The following TENM2 variants were observed in gnomAD, a reference collection of about 807,000 sequenced individuals.
The protein encoded by TENM2 is teneurin-2.
A neutral mutation model predicts 245.2 loss-of-function variants in TENM2; 52 were observed. The ratio of observed to expected loss-of-function variants is 0.21; its 90% CI spans 0.17 to 0.27. TENM2 has a LOEUF of 0.27. TENM2 is among the 10% of genes least tolerant of loss of function. The pLI is 1.00. For synonymous variants in TENM2, 1,363 were observed against 1,438.9 expected (o/e 0.95, Z 1.19); for missense variants, 3,046 against 3,666.8 (o/e 0.83, Z 4.37).
At chr5:167,923,424 A>G (rs1490190917) in intron 3 of TENM2, among the ~76,000 whole-genome samples, 1 of 152,204 alleles carries the variant, frequency 6.6e-6, no homozygotes, top group African/African-American at 2.4e-5. Context: ...CTGTGCCAAC[A>G]GCCTTGTTTG....
intron 5 of TENM2, among the ~76,000 whole-genome samples, chr5:167,996,920 G>T (rs756874708): frequency 1.3e-5 from 2 of 151,872 alleles, no homozygotes; most frequent in Non-Finnish European, 2.9e-5. Flanking sequence ...TGTGTTTTTA[G>T]TAGAGACAGG....
chr5:167,832,116 A>C (rs1156522595), intron 2 of TENM2, among the ~76,000 whole-genome samples: 1 of 152,252 alleles, frequency 6.6e-6, no homozygotes, highest in East Asian at 1.9e-4. Flanking sequence ...ACTGTTTGTC[A>C]GGGCAGTAAT....
intron 12 of TENM2, among the ~76,000 whole-genome samples, chr5:168,156,923 G>A (rs1001450235): frequency 2.2e-4 from 33 of 152,160 alleles, no homozygotes; most frequent in Admixed American, 1.7e-3. Context: ...TGGGGCAGCC[G>A]TTCGGTTCAC....
intron 2 of TENM2, among the ~76,000 whole-genome samples, chr5:167,737,159 G>C (rs1461979303): frequency 1.3e-5 from 2 of 152,170 alleles, no homozygotes; most frequent in Non-Finnish European, 1.5e-5. Flanking sequence ...CCAGTTCCAA[G>C]AGCCAGTACG....
the TENM2 span, among the ~76,000 whole-genome samples, chr5:166,981,119 T>A: frequency 6.6e-6 from 1 of 152,210 alleles, no homozygotes; most frequent in Non-Finnish European, 1.5e-5. Context: ...TAAGGCACCA[T>A]GCAAATTCAC....
chr5:167,466,641 T>C (rs1373562755), intron 2 of TENM2, among the ~76,000 whole-genome samples: 1 of 152,234 alleles, frequency 6.6e-6, no homozygotes, highest in Non-Finnish European at 1.5e-5. Flanking sequence ...AGTAAAGTTT[T>C]CATTTATAAA....
At chr5:167,717,587 T>TA (rs1422640535) in intron 2 of TENM2, among the ~76,000 whole-genome samples, 14 of 152,254 alleles carry the variant, frequency 9.2e-5, no homozygotes, top group South Asian at 8.3e-4. Context: ...AATTTCAGAA[T>TA]AAAAAAATTA....
chr5:167,265,354 A>G, the TENM2 span, among the ~76,000 whole-genome samples: 9 of 150,492 alleles, frequency 6.0e-5, no homozygotes, highest in South Asian at 2.1e-4. Context: ...AAAAAAAAAA[A>G]AAAGAAAGGT....
At chr5:168,229,010 T>C (rs1353992243) in intron 25 of TENM2, among the ~76,000 whole-genome samples, 2 of 147,892 alleles carry the variant, frequency 1.4e-5, no homozygotes, top group African/African-American at 4.9e-5. Flanking sequence ...ATACATTATA[T>C]GTATACATAA....
intron 2 of TENM2, among the ~76,000 whole-genome samples, chr5:167,581,679 G>T (rs554346012): frequency 4.6e-5 from 7 of 152,098 alleles, no homozygotes; most frequent in Non-Finnish European, 8.8e-5. Context: ...GAGACAGAGA[G>T]AATAAAGGGG....
chr5:167,923,556 C>T (rs1359239005), intron 3 of TENM2, among the ~76,000 whole-genome samples: 2 of 152,138 alleles, frequency 1.3e-5, no homozygotes, highest in African/African-American at 4.8e-5. Context: ...ATTATGTCCC[C>T]AGGGGATAGG....
At chr5:167,504,994 C>T (rs763522450) in intron 2 of TENM2, among the ~76,000 whole-genome samples, 81 of 152,134 alleles carry the variant, frequency 5.3e-4, no homozygotes, top group Admixed American at 2.0e-4. Flanking sequence ...TGGTTTCCCT[C>T]TTTCTGCCTC....
chr5:167,238,571 G>A, the TENM2 span, among the ~76,000 whole-genome samples: 2 of 152,002 alleles, frequency 1.3e-5, no homozygotes, highest in South Asian at 4.1e-4. Flanking sequence ...TGAGATTTGC[G>A]GGACAAGCCT....
At chr5:167,658,249 G>A (rs72645750) in intron 2 of TENM2, among the ~76,000 whole-genome samples, 31,088 of 149,126 alleles carry the variant, frequency 0.21, 3,693 homozygotes, top group East Asian at 0.51. Context: ...CACTCTTGTC[G>A]CCCAGGCTGG....
chr5:167,625,976 A>G (rs563154388), intron 2 of TENM2, among the ~76,000 whole-genome samples: 1 of 152,248 alleles, frequency 6.6e-6, no homozygotes, highest in South Asian at 2.1e-4. Context: ...TCAAGAGAAA[A>G]GAAGAAGACA....
chr5:167,094,606 G>A, the TENM2 span, among the ~76,000 whole-genome samples: 6 of 152,276 alleles, frequency 3.9e-5, no homozygotes, highest in East Asian at 9.7e-4. Context: ...TCCACTGAGA[G>A]TGAAACACAA....
At chr5:168,031,380 T>C (rs1305319899) in intron 5 of TENM2, among the ~76,000 whole-genome samples, 1 of 152,244 alleles carries the variant, frequency 6.6e-6, no homozygotes, top group Non-Finnish European at 1.5e-5. Flanking sequence ...TATTTGCTTG[T>C]AACCTAGCTA....
intron 6 of TENM2, among the ~76,000 whole-genome samples, chr5:168,052,440 G>GTA (rs556422610): frequency 0.015 from 2,266 of 149,954 alleles, 42 homozygotes; most frequent in African/African-American, 0.05. Flanking sequence ...GTATGTATGT[G>GTA]TATATATATA....
At chr5:167,302,572 A>G (rs1330473333) in intron 1 of TENM2, among the ~76,000 whole-genome samples, 1 of 151,176 alleles carries the variant, frequency 6.6e-6, no homozygotes. Context: ...GCGTGGAAAT[A>G]AGGGATGGGG....
Sources: allele counts gnomAD v4.1 joint callset (sites outside exome capture counted in the v4.1 genomes callset), GRCh38; gene constraint gnomAD v4.1.1; transcripts MANE v1.5; gene names NCBI Gene and HGNC (gene_info 2026-07-23, HGNC 2026-07-21).